GSE1: variants seen among roughly 807,000 people sequenced by gnomAD.
GSE1 encodes the protein genetic suppressor element 1.
In GSE1, 32 loss-of-function variants were observed where a neutral mutation model predicts 112.6. That is an observed-to-expected ratio of 0.28 (90% confidence interval 0.21 to 0.38). The LOEUF (loss-of-function observed/expected upper bound fraction) is 0.38. Among genes scored for constraint, GSE1 ranks in the 10% least tolerant of loss-of-function variants. The pLI is 1.00. For synonymous variants in GSE1, 1,115 were observed against 735.6 expected, an observed-to-expected ratio of 1.52 and a Z score of -8.35; for missense variants, 2,348 against 1,699.2, an observed-to-expected ratio of 1.38 and a Z score of -6.71.
intron 1 of GSE1, among the ~76,000 whole-genome samples, chr16:85,212,736 T>A (rs2075246877): frequency 6.6e-6 from 1 of 152,102 alleles, no homozygotes; most frequent in Admixed American, 6.5e-5. Context: ...CTGTGAGGGG[T>A]GTCCGCCCAC....
At chr16:85,641,774 A>C (rs1275214254) in intron 2 of GSE1, among the ~76,000 whole-genome samples, 2 of 152,232 alleles carry the variant, frequency 1.3e-5, no homozygotes, top group Non-Finnish European at 2.9e-5. Flanking sequence ...ATTTCAAGGA[A>C]AGTGGCTGGG....
At chr16:85,607,823 C>A (rs1487334040), upstream of GSE1, among the ~76,000 whole-genome samples, 1 of 152,234 alleles carries the variant, frequency 6.6e-6, no homozygotes, top group Non-Finnish European at 1.5e-5. Context: ...TGCTAGGAGA[C>A]AGGGGCCTTC....
At chr16:85,485,555 G>A (rs543745547) in intron 2 of GSE1, among the ~76,000 whole-genome samples, 98 of 152,366 alleles carry the variant, frequency 6.4e-4, no homozygotes, top group African/African-American at 1.6e-3. Context: ...CCGCAGGCCC[G>A]GCTGCCGCCG....
At chr16:85,480,616 T>C (rs1222925605) in intron 2 of GSE1, among the ~76,000 whole-genome samples, 3 of 152,152 alleles carry the variant, frequency 2.0e-5, no homozygotes, top group Non-Finnish European at 4.4e-5. Context: ...TTCCTCTGCT[T>C]GGTGTCCGAT....
intron 1 of GSE1, among the ~76,000 whole-genome samples, chr16:85,177,092 A>T (rs992869036): frequency 1.3e-5 from 2 of 152,128 alleles, no homozygotes; most frequent in Admixed American, 6.5e-5. Flanking sequence ...TGCCCCTCCT[A>T]AACCCGGAGG....
intron 1 of GSE1, among the ~76,000 whole-genome samples, chr16:85,319,958 C>T (rs1034976478): frequency 1.3e-5 from 2 of 152,212 alleles, no homozygotes; most frequent in Non-Finnish European, 2.9e-5. Context: ...GGGCTTACAA[C>T]TGGCAAAGAC....
intron 1 of GSE1, among the ~76,000 whole-genome samples, chr16:85,284,782 C>G (rs2151428901): frequency 6.6e-6 from 1 of 152,252 alleles, no homozygotes; most frequent in East Asian, 1.9e-4. Flanking sequence ...ACACAGCTCA[C>G]CTTCAGCTGA....
At position 85,173,584 on chromosome 16, in the gene GSE1, C is replaced by G. The variant is rs181738799; in HGVS notation, c.2283+1777C>G. Among the ~76,000 whole-genome samples, 636 of 152,228 alleles carry G rather than the reference C, an allele frequency of 4.2e-3. 18 individuals carry two copies. Among genetic ancestry groups the G allele is most frequent in the Admixed American group, 0.039 (592 of 15,294 alleles). On this transcript the variant is annotated intron_variant, in intron 1 of 2. Transcript: ENST00000637419. ...TTGCAGGCTGGGTGCCAGTTTTATA[C>G]CTGGCAGTGGTGTTTCAAGGGGCAG... is the stretch of plus-strand genomic sequence containing the variant.
chr16:85,663,820 A>C (rs141118164), intron 11 of GSE1, among the ~76,000 whole-genome samples: 27 of 152,320 alleles, frequency 1.8e-4, no homozygotes, highest in African/African-American at 6.5e-4. Context: ...TTGCTCTGAG[A>C]GCCCCACCAT....
At position 85,331,707 on chromosome 16, in the gene GSE1, ATTT is replaced by A. The variant is rs566551746; in HGVS notation, c.2284-25738_2284-25736del. Among the ~76,000 whole-genome samples, 500 of 51,920 alleles carry A rather than the reference ATTT, an allele frequency of 9.6e-3. 9 individuals are homozygous for A. Among genetic ancestry groups the A allele is most frequent in the African/African-American group, 0.016 (264 of 16,622 alleles). The allele number at this position is 51,920 out of a possible 152,430, so 34.1% of individuals were successfully genotyped here. On this transcript the variant is annotated intron_variant, in intron 1 of 2. Transcript: ENST00000637419. ...TGTGTATATATATATATATATATATATTTTTTTTTTTTTTTTTTTTAGTTAAGA... is the reference window on the plus strand; with the variant it reads ...TGTGTATATATATATATATATATATATTTTTTTTTTTTTTTTTAGTTAAGA...
Position 85,419,935 on chromosome 16 carries a change from A to G in GSE1, c.2464+62292A>G, listed in dbSNP as rs1279512759. On this transcript the variant is annotated intron_variant, in intron 2 of 2. Transcript: ENST00000637419. This position sits in a 1 kb window ranked among gnomAD's most constrained non-coding sequence, Gnocchi z 6.5. The stretch of plus-strand genomic sequence containing the variant: ...AACAGAACTGAGGGACAGCAGGGGC[A>G]AAGTCTGAGCTAGGAAGGCCCCTCT... Among the ~76,000 whole-genome samples the G allele has an allele frequency of 6.6e-6, 1 of 152,240 alleles. No homozygotes were observed. Among genetic ancestry groups the G allele is most frequent in the Non-Finnish European group, 1.5e-5 (1 of 68,042 alleles).
intron 1 of GSE1, among the ~76,000 whole-genome samples, chr16:85,315,873 A>G (rs1448438361): frequency 1.3e-5 from 2 of 152,148 alleles, no homozygotes; most frequent in African/African-American, 4.8e-5. Flanking sequence ...TTGGGAAAGG[A>G]CCAAGCAAGT....
rs551837099 is a variant in GSE1 at position 85,255,118 on chromosome 16, C to T, written c.2283+83311C>T. Among the ~76,000 whole-genome samples the T allele has an allele frequency of 7.2e-5, 11 of 152,322 alleles. No individual in the cohort carries two copies. The South Asian group carries it at 8.3e-4, about 11-fold the overall frequency. On this transcript the variant is annotated intron_variant, in intron 1 of 2. Coordinates refer to the GSE1 transcript ENST00000637419. ...GGCGGCGGTCGCTGTTGCCAGCTTC[C>T]GGCTCCCCGAGGGGCGGGCGTGAGA...
chr16:85,264,974 T>C (rs4296251), intron 1 of GSE1, among the ~76,000 whole-genome samples: 33,683 of 152,042 alleles, frequency 0.22, 3,850 homozygotes, highest in East Asian at 0.3. Context: ...AATGGGACAG[T>C]CACATCACGA....
intron 1 of GSE1, among the ~76,000 whole-genome samples, chr16:85,338,555 A>T (rs2046554796): frequency 6.6e-6 from 1 of 152,252 alleles, no homozygotes; most frequent in African/African-American, 2.4e-5. Context: ...GTGCTTGAGC[A>T]TTGCATGGCA....
chr16:85,634,233 T>C (rs2049797145), intron 2 of GSE1, 101 bp downstream of exon 2: 1 of 812,886 alleles, frequency 1.2e-6, no homozygotes. Flanking sequence ...AGGTCTCGTC[T>C]TTCCCACGCC....
At chr16:85,396,431 T>C (rs1444641144) in intron 2 of GSE1, among the ~76,000 whole-genome samples, 2 of 152,218 alleles carry the variant, frequency 1.3e-5, no homozygotes, top group Non-Finnish European at 2.9e-5. Flanking sequence ...ATTAGTTGTT[T>C]CCACACCCCT....
chr16:85,503,765 C>T (rs904630177), intron 2 of GSE1, among the ~76,000 whole-genome samples: 3 of 152,112 alleles, frequency 2.0e-5, no homozygotes, highest in Non-Finnish European at 2.9e-5. Context: ...CTGTAGTGTC[C>T]CCGAGACTGG....
At chr16:85,309,674 A>G (rs2045779701) in intron 1 of GSE1, among the ~76,000 whole-genome samples, 1 of 152,174 alleles carries the variant, frequency 6.6e-6, no homozygotes. Context: ...TGCTCTGCAG[A>G]CGCCATTTGG....
Sources: allele counts gnomAD v4.1 joint callset (sites outside exome capture counted in the v4.1 genomes callset), GRCh38; gene constraint gnomAD v4.1.1; non-coding constraint Gnocchi (gnomAD v3.1); transcripts MANE v1.5; gene names NCBI Gene and HGNC (gene_info 2026-07-23, HGNC 2026-07-21).